Variants in NUDCD3 observed in about 807,000 individuals in gnomAD.
NUDCD3 encodes the protein NudC domain containing 3.
A neutral mutation model predicts 39.7 loss-of-function variants in NUDCD3; 13 were observed. The ratio of observed to expected loss-of-function variants is 0.33; its 90% CI spans 0.21 to 0.52. NUDCD3 has a LOEUF of 0.52. Among genes scored for constraint, NUDCD3 ranks in the 20% least tolerant of loss-of-function variants. The pLI is 0.96. For synonymous variants in NUDCD3, 175 were observed against 172.4 expected (o/e 1.02, Z -0.12); for missense variants, 453 against 458.1 (o/e 0.99, Z 0.10).
chr7:44,433,118 G>A lies in NUDCD3; in HGVS notation c.510-5415C>T, dbSNP rs538926788. Among the ~76,000 whole-genome samples the A allele has an allele frequency of 2.0e-5, 3 of 152,298 alleles. No individual in the cohort carries two copies. In the South Asian group the frequency reaches 6.2e-4, roughly 32 times the overall value. ...CAAGAAAACAGAGGTCCATGAATCA[G>A]GAAGCAGGGCCTCCCCAGACACTGA... On this transcript the variant is annotated intron_variant, in intron 2 of 5. Coordinates refer to ENST00000355451, the MANE Select transcript of NUDCD3 (RefSeq NM_015332.4).
chr7:44,460,708 A>T (rs1482716628), intron 2 of NUDCD3, among the ~76,000 whole-genome samples: 2 of 152,228 alleles, frequency 1.3e-5, no homozygotes, highest in Admixed American at 1.3e-4. Flanking sequence ...GAAGATATGA[A>T]TGAAATTAAG....
chr7:44,392,414 G>C lies in NUDCD3; in HGVS notation c.858C>G (p.Asp286Glu). 6.2e-7 allele frequency: 1 copy of C among 1,614,130 alleles called. No individual in the cohort carries two copies. Among genetic ancestry groups the C allele is most frequent in the Non-Finnish European group, 8.5e-7 (1 of 1,180,010 alleles). The change falls in exon 5 of 6, where the codon GAC (aspartate) becomes GAG (glutamate). Residue 286 changes from aspartate to glutamate, a missense_variant. Physicochemically the swap from Asp to Glu is conservative, Grantham distance 45 (BLOSUM62 2). Coordinates refer to ENST00000355451, the MANE Select transcript of NUDCD3 (RefSeq NM_015332.4). Reference sequence around the variant, plus strand: ...CCATGGAGCGCTCCTTGTTGATCTTGTCAATGTCGATGGGCTCTTCTCCCT... The same window carrying C: ...CCATGGAGCGCTCCTTGTTGATCTTCTCAATGTCGATGGGCTCTTCTCCCT... ...ILEGEEPIDI[D>E]KINKERSMAT...
rs574697526 is a variant in NUDCD3, at chr7:44,434,797, G to A, written c.510-7094C>T. ...GCCCAGCTTCCCCGCACAGCAACCA[G>A]GTAACGGTGACTAGGTCACTCAGCC... On this transcript the variant is annotated intron_variant, in intron 2 of 5. Transcript: ENST00000355451. Among the ~76,000 whole-genome samples the A allele has an allele frequency of 9.8e-5, 15 of 152,330 alleles. No homozygotes were observed. The South Asian group carries it at 3.1e-3, about 32-fold the overall frequency.
rs144658717 is a variant in NUDCD3 at position 44,470,676 on chromosome 7, A to C, written c.509+14292T>G. Among the ~76,000 whole-genome samples, 11 of 152,350 alleles carry C rather than the reference A, an allele frequency of 7.2e-5. No individual in the cohort carries two copies. The East Asian group carries it at 2.1e-3, about 29-fold the overall frequency. On this transcript the variant is annotated intron_variant, in intron 2 of 5. Coordinates refer to ENST00000355451, the MANE Select transcript of NUDCD3 (RefSeq NM_015332.4). ...AGCAACCCATGAGGGAAGGGAAAGA[A>C]GGGCAAGAGCACAAACAACAAAACC... is the stretch of plus-strand genomic sequence containing the variant.
intron 3 of NUDCD3, among the ~76,000 whole-genome samples, chr7:44,423,245 CCT>C (rs1799173722): frequency 6.6e-6 from 1 of 152,144 alleles, no homozygotes; most frequent in South Asian, 2.1e-4. Flanking sequence ...ACAAGGATGC[CCT>C]CTCTCACCAC....
chr7:44,489,738 G>A (rs1182805279), intron 1 of NUDCD3: 2 of 151,456 alleles, frequency 1.3e-5, no homozygotes, highest in African/African-American at 2.4e-5. Flanking sequence ...GTCACAAGGA[G>A]AGAGAAACCA....
At chr7:44,397,322 T>C (rs1798642998) in intron 4 of NUDCD3, among the ~76,000 whole-genome samples, 1 of 152,228 alleles carries the variant, frequency 6.6e-6, no homozygotes, top group South Asian at 2.1e-4. Context: ...AGAGAGCTGC[T>C]GTAGAGATCT....
intron 2 of NUDCD3, among the ~76,000 whole-genome samples, chr7:44,433,450 G>T (rs1333917741): frequency 6.6e-6 from 1 of 152,058 alleles, no homozygotes; most frequent in Non-Finnish European, 1.5e-5. Context: ...TGCAGTTTGT[G>T]TGTGTGGTGT....
intron 2 of NUDCD3, among the ~76,000 whole-genome samples, chr7:44,433,769 T>G (rs1425306419): frequency 6.6e-6 from 1 of 152,158 alleles, no homozygotes; most frequent in African/African-American, 2.4e-5. Flanking sequence ...TCTCAGTTTC[T>G]TCACATGCCA....
At chr7:44,444,701 T>C (rs775538951) in intron 2 of NUDCD3, among the ~76,000 whole-genome samples, 37 of 152,316 alleles carry the variant, frequency 2.4e-4, no homozygotes, top group Non-Finnish European at 8.8e-5. Context: ...CACTCCCCTC[T>C]GTGAGACCCT....
chr7:44,452,845 A>T (rs1799819788), intron 2 of NUDCD3, among the ~76,000 whole-genome samples: 2 of 152,270 alleles, frequency 1.3e-5, no homozygotes, highest in South Asian at 4.1e-4. Flanking sequence ...CATAAATGTA[A>T]ATTCACTAAA....
chr7:44,448,881 G>A (rs1799735951), intron 2 of NUDCD3, among the ~76,000 whole-genome samples: 2 of 152,228 alleles, frequency 1.3e-5, no homozygotes, highest in Admixed American at 1.3e-4. Context: ...GCATGATTTA[G>A]AGCATGTTGG....
chr7:44,465,573 A>G (rs1216699742), intron 2 of NUDCD3, among the ~76,000 whole-genome samples: 1 of 152,262 alleles, frequency 6.6e-6, no homozygotes, highest in African/African-American at 2.4e-5. Flanking sequence ...GTCTAAAAAT[A>G]AACTGTATTA....
intron 2 of NUDCD3, among the ~76,000 whole-genome samples, chr7:44,437,242 G>T (rs1182319645): frequency 1.3e-5 from 2 of 151,098 alleles, no homozygotes; most frequent in Non-Finnish European, 1.5e-5. Context: ...GCTAATTTTT[G>T]TATTTTTAGT....
rs1362606068 is a variant in NUDCD3 at position 44,381,955 on chromosome 7, C to T, written c.*4056G>A. On this transcript the variant is annotated 3_prime_UTR_variant, in exon 6 of 6. Transcript: ENST00000355451. ...CTGCCATGGGCTCTGGTCTCCCCAT[C>T]ACCCTCTGAGGGGGAAGCAGGAAGT... 6.6e-6 allele frequency: 1 copy of T among 152,324 alleles called. No individual in the cohort carries two copies. Among genetic ancestry groups the T allele is most frequent in the Admixed American group, 6.5e-5 (1 of 15,284 alleles). The allele number at this position is 152,324 out of a possible 1,614,324, so 9.4% of individuals were successfully genotyped here.
At chr7:44,468,451 C>G (rs991766797) in intron 2 of NUDCD3, 3 of 646,094 alleles carry the variant, frequency 4.6e-6, no homozygotes, top group Non-Finnish European at 7.8e-6. Flanking sequence ...GAGCTAGCAA[C>G]TGAATGCCCG....
At chr7:44,448,409 C>G (rs372632157) in intron 2 of NUDCD3, among the ~76,000 whole-genome samples, 1 of 152,152 alleles carries the variant, frequency 6.6e-6, no homozygotes, top group East Asian at 1.9e-4. Flanking sequence ...ACAGAGCCCC[C>G]AGAACACCTG....
chr7:44,462,644 C>T (rs1219477660), intron 2 of NUDCD3, among the ~76,000 whole-genome samples: 2 of 152,318 alleles, frequency 1.3e-5, no homozygotes, highest in South Asian at 2.1e-4. Flanking sequence ...GTGTGGGCAG[C>T]GTTAGGTGTC....
At chr7:44,420,124 A>G (rs1799109918) in intron 3 of NUDCD3, among the ~76,000 whole-genome samples, 1 of 152,130 alleles carries the variant, frequency 6.6e-6, no homozygotes, top group Non-Finnish European at 1.5e-5. Flanking sequence ...GGAACTGCTA[A>G]CTAGAATAAC....
Sources: gnomAD v4.1 joint callset for allele counts (sites outside exome capture counted in the v4.1 genomes callset) on GRCh38, gnomAD v4.1.1 for gene constraint, MANE v1.5 for transcripts, NCBI Gene and HGNC (gene_info 2026-07-23, HGNC 2026-07-21) for gene names.